The following EPB41L1 variants were observed in gnomAD, a reference collection of about 807,000 sequenced individuals.
The protein encoded by EPB41L1 is erythrocyte membrane protein band 4.1 like 1.
A neutral mutation model predicts 97.8 loss-of-function variants in EPB41L1; 29 were observed. That is an observed-to-expected ratio of 0.30 (90% CI 0.22 to 0.40). The LOEUF is 0.40. Ranked by LOEUF, EPB41L1 falls within the 10% of genes least tolerant of loss-of-function variation. The pLI is 1.00. For missense variants in EPB41L1, 812 were observed against 1,162.3 expected, an observed-to-expected ratio of 0.70 and a Z score of 4.38; for synonymous variants, 383 against 459.2, an observed-to-expected ratio of 0.83 and a Z score of 2.12.
At chr20:36,117,430 T>TATGAAAG (rs2058621056) in intron 2 of EPB41L1, among the ~76,000 whole-genome samples, 1 of 151,848 alleles carries the variant, frequency 6.6e-6, no homozygotes, top group African/African-American at 2.4e-5. Context: ...AATTCTTTCA[T>TATGAAAG]AATTCTTCTG....
chr20:36,150,520 A>G (rs1019263902), upstream of EPB41L1: 1 of 152,246 alleles, frequency 6.6e-6, no homozygotes, highest in Admixed American at 6.5e-5. Context: ...AAAAACAGGG[A>G]GTTTATAAGG....
At chr20:36,110,624 C>T (rs2058368714) in intron 1 of EPB41L1, 1 of 99,064 alleles carries the variant, frequency 1.0e-5, no homozygotes, top group Non-Finnish European at 2.0e-5. Context: ...GTTTGCTTTA[C>T]ACACACACAC....
At chr20:36,160,558 C>G (rs759299135) in intron 1 of EPB41L1, among the ~76,000 whole-genome samples, 2 of 151,726 alleles carry the variant, frequency 1.3e-5, no homozygotes, top group African/African-American at 2.4e-5. Context: ...CCATTGCACT[C>G]CAGCCTGGGT....
At position 36,140,738 on chromosome 20, in the gene EPB41L1, C is replaced by T. The variant is rs148056938; in HGVS notation, c.-10+28258C>T. Among the ~76,000 whole-genome samples the T allele has an allele frequency of 5.0e-4, 76 of 152,240 alleles. 1 individual carries two copies. In the East Asian group the frequency reaches 0.013, roughly 26 times the overall value. The stretch of plus-strand genomic sequence containing the variant: ...GAAATGAATAGTGCAAGAGGAGGCC[C>T]AGAGTGAGGGCCATCCAGGCTGATT... On this transcript the variant is annotated intron_variant, in intron 2 of 19. Coordinates refer to the EPB41L1 transcript ENST00000202028.
intron 1 of EPB41L1, among the ~76,000 whole-genome samples, chr20:36,104,939 G>C (rs1201427933): frequency 6.6e-6 from 1 of 152,134 alleles, no homozygotes; most frequent in Non-Finnish European, 1.5e-5. Flanking sequence ...ACCCATGAAG[G>C]ATGTACATGA....
rs565507701 is a variant in EPB41L1 at position 36,161,458 on chromosome 20, G to T, written c.-15+6562G>T. On this transcript the variant is annotated intron_variant, in intron 1 of 21. Coordinates refer to ENST00000338074, the MANE Select transcript of EPB41L1 (RefSeq NM_012156.2). Reference sequence around the variant, plus strand: ...TTTATTTTATTCTTCTTATTTTTTTGTTTGTTTGTTTTTTGGGTTTTTTTG... The same window carrying T: ...TTTATTTTATTCTTCTTATTTTTTTTTTTGTTTGTTTTTTGGGTTTTTTTG... Among the ~76,000 whole-genome samples the T allele has an allele frequency of 2.2e-4, 33 of 151,892 alleles. 1 individual carries two copies. Among genetic ancestry groups the T allele is most frequent in the African/African-American group, 7.5e-4 (31 of 41,412 alleles).
At chr20:36,091,985 TG>T (rs987643115) in intron 1 of EPB41L1, 1 of 152,148 alleles carries the variant, frequency 6.6e-6, no homozygotes, top group African/African-American at 2.4e-5. Context: ...CCCATTACTT[TG>T]GGGGTGTTTG....
Position 36,206,654 on chromosome 20 carries a change from C to G in EPB41L1, c.1669-2834C>G. On this transcript the variant is annotated intron_variant, in intron 14 of 21. Coordinates refer to ENST00000338074, the MANE Select transcript of EPB41L1 (RefSeq NM_012156.2). This position sits in a 1 kb window ranked among gnomAD's most constrained non-coding sequence, Gnocchi z 5.5. ...AAGGACGAAGCCCACATGACTTCCC[C>G]AAAGGAAGGGGCAGGGACCCCCAAG... 7.8e-7 allele frequency: 1 copy of G among 1,289,814 alleles called. No individual in the cohort carries two copies. The highest frequency in any genetic ancestry group is 1.0e-6 in the Non-Finnish European group (1 of 988,864). The allele number at this position is 1,289,814 out of a possible 1,614,324, so 79.9% of individuals were successfully genotyped here.
chr20:36,105,933 T>C (rs1226674075), intron 1 of EPB41L1, among the ~76,000 whole-genome samples: 9 of 152,048 alleles, frequency 5.9e-5, no homozygotes. Flanking sequence ...TCCAGGGCCC[T>C]CTCCTCCCCT....
At chr20:36,127,306 C>T (rs1288760877) in intron 2 of EPB41L1, among the ~76,000 whole-genome samples, 3 of 152,206 alleles carry the variant, frequency 2.0e-5, no homozygotes, top group African/African-American at 7.2e-5. Flanking sequence ...ATGCCTTTGT[C>T]TGAGTTGCCA....
intron 14 of EPB41L1, among the ~76,000 whole-genome samples, chr20:36,204,546 G>A (rs372700931): frequency 7.0e-6 from 1 of 142,796 alleles, no homozygotes; most frequent in Non-Finnish European, 1.5e-5. Context: ...GTGCATTGGT[G>A]CGATCTCGGC....
At chr20:36,106,772 G>A (rs966562845) in intron 1 of EPB41L1, among the ~76,000 whole-genome samples, 2 of 152,244 alleles carry the variant, frequency 1.3e-5, no homozygotes, top group East Asian at 1.9e-4. Flanking sequence ...CTATACAGCA[G>A]CCATTAGTCA....
intron 6 of EPB41L1, among the ~76,000 whole-genome samples, 187 bp downstream of exon 6, chr20:36,182,534 G>A (rs990137631): frequency 6.6e-6 from 1 of 152,178 alleles, no homozygotes; most frequent in African/African-American, 2.4e-5. Flanking sequence ...CAAGCACAGT[G>A]GTCAGTGGCA....
At chr20:36,152,140 T>C (rs1375261964), upstream of EPB41L1, 2 of 152,164 alleles carry the variant, frequency 1.3e-5, no homozygotes, top group Non-Finnish European at 1.5e-5. Context: ...GGGATGATAT[T>C]ATCTCACAAG....
Position 36,182,357 on chromosome 20 carries a change from G to T in EPB41L1, c.566+10G>T. 6.2e-7 allele frequency: 1 copy of T among 1,613,928 alleles called. No individual in the cohort carries two copies. Among genetic ancestry groups the T allele is most frequent in the East Asian group, 2.2e-5 (1 of 44,890 alleles). ...CAGAAGACATCACAAGGTGAGGGCTGTGGAGGGAGAGACAGGTGTGCTGGC... is the reference window on the plus strand; with the variant it reads ...CAGAAGACATCACAAGGTGAGGGCTTTGGAGGGAGAGACAGGTGTGCTGGC... On this transcript the variant is annotated intron_variant, in intron 6 of 21. Transcript: ENST00000338074.
At chr20:36,203,762 C>T (rs553739736) in intron 14 of EPB41L1, among the ~76,000 whole-genome samples, 1 of 152,330 alleles carries the variant, frequency 6.6e-6, no homozygotes, top group Non-Finnish European at 1.5e-5. Context: ...TTTACCTAGA[C>T]CTTCCCCCCT....
In EPB41L1 at chr20:36,157,662, A is replaced by G. The variant is rs557910808; in HGVS notation, c.-15+2766A>G. 1.5e-4 allele frequency among the ~76,000 whole-genome samples: 23 copies of G among 152,136 alleles called. 1 individual carries two copies. The South Asian group carries it at 4.4e-3, about 29-fold the overall frequency. On this transcript the variant is annotated intron_variant, in intron 1 of 21. Transcript: ENST00000338074. Reference sequence around the variant, plus strand: ...GTGGCTTTGTGGACTGAATATTACTATAGTGCTGAGGGGTAGGGGTAGATA... The same window carrying G: ...GTGGCTTTGTGGACTGAATATTACTGTAGTGCTGAGGGGTAGGGGTAGATA...
At chr20:36,194,566 C>T (rs1458053953) in intron 12 of EPB41L1, among the ~76,000 whole-genome samples, 3 of 152,224 alleles carry the variant, frequency 2.0e-5, no homozygotes, top group Non-Finnish European at 2.9e-5. Flanking sequence ...GGCATGCTGC[C>T]TGTCCTGTAC....
chr20:36,176,363 C>A (rs925639367), intron 3 of EPB41L1, among the ~76,000 whole-genome samples: 1 of 152,246 alleles, frequency 6.6e-6, no homozygotes, highest in South Asian at 2.1e-4. Flanking sequence ...TGACTCCCGC[C>A]CTAATTCTGA....
Sources: gnomAD v4.1 joint callset for allele counts (sites outside exome capture counted in the v4.1 genomes callset) on GRCh38, gnomAD v4.1.1 for gene constraint, Gnocchi (gnomAD v3.1) non-coding constraint, MANE v1.5 for transcripts, NCBI Gene and HGNC (gene_info 2026-07-23, HGNC 2026-07-21) for gene names.